SIDT1: variants seen among roughly 807,000 people sequenced by gnomAD.
The protein encoded by SIDT1 is SID1 transmembrane family member 1.
A neutral mutation model predicts 107.5 loss-of-function variants in SIDT1; 101 were observed. That is an observed-to-expected ratio of 0.94 (90% confidence interval 0.80 to 1.11). The LOEUF is 1.11. Ranked by LOEUF, SIDT1 falls within the 50% of genes least tolerant of loss-of-function variation. The pLI, the probability that SIDT1 is intolerant of heterozygous loss-of-function variation, is 0.00. For missense variants in SIDT1, 1,076 were observed against 1,058.2 expected (o/e 1.02, Z -0.23); for synonymous variants, 395 against 398.2 (o/e 0.99, Z 0.10).
intron 9 of SIDT1, chr3:113,590,253 A>C (rs945330671): frequency 3.9e-5 from 6 of 152,330 alleles, no homozygotes; most frequent in African/African-American, 1.4e-4. Context: ...CAAAAGAGCT[A>C]TGAAGAGAAG....
chr3:113,587,501 G>C (rs113156577), intron 9 of SIDT1, among the ~76,000 whole-genome samples: 32 of 152,250 alleles, frequency 2.1e-4, no homozygotes, highest in African/African-American at 6.7e-4. Flanking sequence ...TGTGTGCCAG[G>C]CTCTGTGCTC....
In SIDT1 at chr3:113,601,575, CT is replaced by C. The variant is rs773358141; in HGVS notation, c.1046-6del. On this transcript the variant is annotated splice_polypyrimidine_tract_variant and intron_variant, in intron 10 of 24. Transcript: ENST00000264852. ...TGGACATAAAGTGTTTGCCTCTTCACTTTTTTTAACAGGCTCTGGAAATATG... is the reference window on the plus strand; with the variant it reads ...TGGACATAAAGTGTTTGCCTCTTCACTTTTTTAACAGGCTCTGGAAATATG... The C allele has an allele frequency of 1.9e-6, 3 of 1,610,876 alleles. No individual in the cohort carries two copies. The South Asian group carries it at 3.3e-5, about 18-fold the overall frequency.
At chr3:113,597,515 A>C (rs1199428721) in intron 10 of SIDT1, among the ~76,000 whole-genome samples, 2 of 151,586 alleles carry the variant, frequency 1.3e-5, no homozygotes, top group African/African-American at 4.9e-5. Flanking sequence ...AAAAAAAAAA[A>C]AAAAATCATG....
At chr3:113,576,768 T>C (rs1450669238) in intron 3 of SIDT1, among the ~76,000 whole-genome samples, 154 bp from the exon 4 acceptor site, 1 of 152,258 alleles carries the variant, frequency 6.6e-6, no homozygotes, top group African/African-American at 2.4e-5. Context: ...GTCTACTTTG[T>C]CAGTTTCACG....
intron 1 of SIDT1, among the ~76,000 whole-genome samples, chr3:113,552,488 A>G (rs775297944): frequency 4.6e-5 from 7 of 152,230 alleles, no homozygotes; most frequent in Non-Finnish European, 8.8e-5. Context: ...ACTGGCAAAT[A>G]TAAGCAGGAA....
intron 23 of SIDT1, among the ~76,000 whole-genome samples, chr3:113,624,799 T>G (rs7638449): frequency 6.6e-6 from 1 of 151,994 alleles, no homozygotes; most frequent in African/African-American, 2.4e-5. Context: ...ATTTGTCATT[T>G]TGTGCTTCAC....
intron 10 of SIDT1, chr3:113,601,354 T>C (rs1355879154): frequency 2.6e-6 from 1 of 382,294 alleles, no homozygotes; most frequent in East Asian, 4.0e-5. Context: ...CTTCTTTGGA[T>C]TTTTTCCCCA....
the SIDT1 span, among the ~76,000 whole-genome samples, chr3:113,635,531 T>G: frequency 6.6e-6 from 1 of 152,188 alleles, no homozygotes; most frequent in Non-Finnish European, 1.5e-5. Context: ...GGTAGTAGTT[T>G]CATCCCAGCT....
Position 113,566,549 on chromosome 3 carries a change from G to A in SIDT1, c.344+8G>A, listed in dbSNP as rs778809663. The stretch of plus-strand genomic sequence containing the variant: ...TCTGCTCTTCCAAGGACTGTAAGTG[G>A]GTTTTCTTCCAGGCAACTTCACTAT... On this transcript the variant is annotated splice_region_variant and intron_variant, in intron 2 of 24. Coordinates refer to ENST00000264852, the MANE Select transcript of SIDT1 (RefSeq NM_017699.3). The A allele has an allele frequency of 3.1e-6, 5 of 1,610,688 alleles. No homozygotes were observed. The African/African-American group carries it at 4.0e-5, about 13-fold the overall frequency.
Position 113,603,992 on chromosome 3 carries a change from G to A in SIDT1, c.1296G>A (p.Lys432=). ...MFLYLSDLSR[K]DRRIVSKKYK... is the part of the protein sequence containing the mutation. ...TTTACCTGTCAGATTTGTCCAGGAA[G>A]GACCGGAGAATTGTCAGCAAAAAAT... is the stretch of plus-strand genomic sequence containing the variant. Residue 432 remains lysine (K), a synonymous_variant, in exon 13 of 25, where the codon AAG becomes AAA. Transcript: ENST00000264852. The A allele has an allele frequency of 6.2e-7, 1 of 1,611,828 alleles. No homozygotes were observed. The highest frequency in any genetic ancestry group is 8.5e-7 in the Non-Finnish European group (1 of 1,178,826).
At chr3:113,566,233 G>A (rs1941891468) in intron 1 of SIDT1, among the ~76,000 whole-genome samples, 187 bp from the exon 2 acceptor site, 1 of 152,174 alleles carries the variant, frequency 6.6e-6, no homozygotes, top group Non-Finnish European at 1.5e-5. Context: ...TGAATGAGGA[G>A]AAACAACTGG....
At chr3:113,637,077 C>T in the SIDT1 span, among the ~76,000 whole-genome samples, 1 of 152,102 alleles carries the variant, frequency 6.6e-6, no homozygotes, top group Non-Finnish European at 1.5e-5. Flanking sequence ...GCCTTTTCCT[C>T]TTCTAAAGAA....
At chr3:113,535,830 T>C (rs958709333) in intron 1 of SIDT1, among the ~76,000 whole-genome samples, 1 of 152,230 alleles carries the variant, frequency 6.6e-6, no homozygotes, top group East Asian at 1.9e-4. Context: ...ATTAACCTCC[T>C]GTCCTACCAG....
At chr3:113,626,314 A>C in intron 24 of SIDT1, 99 bp downstream of exon 24, 1 of 738,274 alleles carries the variant, frequency 1.4e-6, no homozygotes, top group Non-Finnish European at 2.2e-6. Flanking sequence ...ATTCCTCTCT[A>C]ATTTTACTTT....
chr3:113,626,121 G>T lies in SIDT1; in HGVS notation c.2327G>T (p.Arg776Leu). ...CTCCAGGGAACTCCGGCCGAATCCC[G>T]GGAGAAGAACCGCGAGTGCATTCTG... The part of the protein sequence containing the change: ...SSWEGTPAES[R>L]EKNRECILLD... Residue 776 changes from arginine to leucine, a missense_variant, in exon 24 of 25, where the codon CGG becomes CTG. Coordinates refer to ENST00000264852, the MANE Select transcript of SIDT1 (RefSeq NM_017699.3). The T allele has an allele frequency of 6.2e-7, 1 of 1,613,856 alleles. No individual in the cohort carries two copies. The highest frequency in any genetic ancestry group is 8.5e-7 in the Non-Finnish European group (1 of 1,179,832).
At chr3:113,613,330 C>G (rs556366739) in intron 19 of SIDT1, among the ~76,000 whole-genome samples, 20 of 152,314 alleles carry the variant, frequency 1.3e-4, no homozygotes, top group African/African-American at 4.6e-4. Flanking sequence ...ACACTTCTGG[C>G]TCCCTGGAAT....
intron 1 of SIDT1, 80 bp from the exon 2 acceptor site, chr3:113,566,338 TTG>T (rs55802002): frequency 0.26 from 259,323 of 1,000,520 alleles, 7,078 homozygotes; most frequent in Non-Finnish European, 0.27. Context: ...TTGTGTGTGT[TTG>T]TGTGTGTGTG....
intron 19 of SIDT1, among the ~76,000 whole-genome samples, chr3:113,613,012 G>A (rs4682139): frequency 0.33 from 49,448 of 152,004 alleles, 8,198 homozygotes; most frequent in Non-Finnish European, 0.36. Context: ...AGGGAAGAAG[G>A]GAGGGAGGGA....
chr3:113,605,838 T>A (rs1468976326), intron 14 of SIDT1, among the ~76,000 whole-genome samples: 1 of 151,904 alleles, frequency 6.6e-6, no homozygotes, highest in East Asian at 1.9e-4. Context: ...ACCCTGACTC[T>A]ACCAAAAATA....
Sources: gnomAD v4.1 joint callset for allele counts (sites outside exome capture counted in the v4.1 genomes callset) on GRCh38, gnomAD v4.1.1 for gene constraint, MANE v1.5 for transcripts, NCBI Gene and HGNC (gene_info 2026-07-23, HGNC 2026-07-21) for gene names.